The following KIF3C variants were observed in gnomAD, a reference collection of about 807,000 sequenced individuals.
KIF3C encodes kinesin family member 3C.
A neutral mutation model predicts 67.7 loss-of-function variants in KIF3C; 12 were observed. The observed-to-expected ratio is 0.18, with a 90% CI of 0.11 to 0.29. The LOEUF (loss-of-function observed/expected upper bound fraction) is 0.29, where lower values mean the gene tolerates loss of function less well. Among genes scored for constraint, KIF3C ranks in the 10% least tolerant of loss-of-function variants. The pLI is 1.00. For missense variants in KIF3C, 789 were observed against 1,059.6 expected, an observed-to-expected ratio of 0.74 and a Z score of 3.55; for synonymous variants, 393 against 426.2, an observed-to-expected ratio of 0.92 and a Z score of 0.96.
chr2:25,965,934 T>G (rs1179118071), intron 1 of KIF3C, among the ~76,000 whole-genome samples: 12 of 152,016 alleles, frequency 7.9e-5, no homozygotes, highest in Non-Finnish European at 1.6e-4. Context: ...AAGACAGGGC[T>G]GGGAGCTCCA....
chr2:25,952,785 C>T (rs55848610), intron 4 of KIF3C, among the ~76,000 whole-genome samples: 5 of 151,612 alleles, frequency 3.3e-5, no homozygotes, highest in African/African-American at 9.7e-5. Context: ...CTCAAACTCC[C>T]GACCTCAGGT....
chr2:25,955,746 T>A lies in KIF3C; in HGVS notation c.1648-83A>T, dbSNP rs1663791036. On this transcript the variant is annotated intron_variant, in intron 2 of 7. Transcript: ENST00000264712. This position sits in a 1 kb window ranked among gnomAD's most constrained non-coding sequence, Gnocchi z 5.0. ...GAAAGCTCAGGGGACTGGCTCACTC[T>A]GCCTGTCTCGGGACCTGGCTTCACC... 6.5e-7 allele frequency: 1 copy of A among 1,528,974 alleles called. No homozygotes were observed. The highest frequency in any genetic ancestry group is 1.4e-5 in the African/African-American group (1 of 73,318). The allele number at this position is 1,528,974 out of a possible 1,614,324, so 94.7% of individuals were successfully genotyped here.
chr2:25,956,483 G>A, intron 1 of KIF3C, 39 bp from the exon 2 acceptor site: 1 of 1,498,168 alleles, frequency 6.7e-7, no homozygotes, highest in East Asian at 2.3e-5. Flanking sequence ...GCTTTGCAAA[G>A]GGTCCACAAC....
chr2:25,965,688 C>A (rs927680573), intron 1 of KIF3C, among the ~76,000 whole-genome samples: 1 of 151,746 alleles, frequency 6.6e-6, no homozygotes, highest in Non-Finnish European at 1.5e-5. Flanking sequence ...TGCCTGAAAT[C>A]CCTGAGCCTA....
intron 5 of KIF3C, among the ~76,000 whole-genome samples, chr2:25,944,991 C>T (rs937857217): frequency 2.0e-4 from 30 of 152,098 alleles, no homozygotes; most frequent in African/African-American, 6.7e-4. Flanking sequence ...ATTAGCCAGG[C>T]GTGGTGGCGG....
In KIF3C at chr2:25,981,365, T is replaced by C. The variant is rs1235586191; in HGVS notation, c.553A>G (p.Thr185Ala). The C allele has an allele frequency of 6.2e-7, 1 of 1,614,040 alleles. No individual in the cohort carries two copies. Among genetic ancestry groups the C allele is most frequent in the East Asian group, 2.2e-5 (1 of 44,892 alleles). ...TGCTCAATCTCCTTGACATTCTTGG[T>C]GACGAAGGAGGAGAGGTCCTTGATG... is the stretch of plus-strand genomic sequence containing the variant. ...VYIKDLSSFV[T>A]KNVKEIEHVM... The change falls in exon 1 of 8, where the codon ACC becomes GCC. Residue 185 changes from threonine (T) to alanine (A), a missense_variant. Thr to Ala is a moderately conservative substitution (Grantham distance 58). Transcript: ENST00000264712. This position sits in a 1 kb window ranked among gnomAD's most constrained non-coding sequence, Gnocchi z 8.2.
chr2:25,946,926 C>T (rs1216588775), intron 5 of KIF3C, among the ~76,000 whole-genome samples: 2 of 151,686 alleles, frequency 1.3e-5, no homozygotes, highest in African/African-American at 2.4e-5. Flanking sequence ...CCGAGGTAGG[C>T]GGATCACCTG....
chr2:25,963,008 T>C lies in KIF3C; in HGVS notation c.1546-6564A>G, dbSNP rs1457954155. The stretch of plus-strand genomic sequence containing the variant: ...TATATAATATATATAATATATAATA[T>C]ATAATATATATAATATATAATATAT... On this transcript the variant is annotated intron_variant, in intron 1 of 7. Coordinates refer to ENST00000264712, the MANE Select transcript of KIF3C (RefSeq NM_002254.8). Among the ~76,000 whole-genome samples, 134 of 47,728 alleles carry C rather than the reference T, an allele frequency of 2.8e-3. 8 individuals carry two copies. Among genetic ancestry groups the C allele is most frequent in the African/African-American group, 0.018 (130 of 7,242 alleles). The allele number at this position is 47,728 out of a possible 152,430, so 31.3% of individuals were successfully genotyped here.
At position 25,981,528 on chromosome 2, in the gene KIF3C, G is replaced by A. The variant is rs1248022335; in HGVS notation, c.390C>T (p.His130=). 6.2e-7 allele frequency: 1 copy of A among 1,614,232 alleles called. No individual in the cohort carries two copies. Among genetic ancestry groups the A allele is most frequent in the South Asian group, 1.1e-5 (1 of 91,084 alleles). The part of the protein sequence containing the change: ...IPNAFEHIFT[H]ISRSQNQQYL... Reference sequence around the variant, plus strand: ...ACTGTTGGTTCTGGGAGCGGGAGATGTGGGTGAAGATGTGCTCAAAGGCAT... The same window carrying A: ...ACTGTTGGTTCTGGGAGCGGGAGATATGGGTGAAGATGTGCTCAAAGGCAT... Residue 130 remains histidine, a synonymous_variant, in exon 1 of 8, where the codon CAC becomes CAT. Coordinates refer to ENST00000264712, the MANE Select transcript of KIF3C (RefSeq NM_002254.8). The surrounding 1 kb of genome is among the most constrained non-coding windows in gnomAD (Gnocchi z 8.2).
intron 1 of KIF3C, among the ~76,000 whole-genome samples, chr2:25,969,939 T>C (rs938230546): frequency 6.6e-6 from 1 of 152,148 alleles, no homozygotes; most frequent in African/African-American, 2.4e-5. Flanking sequence ...TAGTCGTGAA[T>C]GCCTGGCCTC....
intron 1 of KIF3C, among the ~76,000 whole-genome samples, chr2:25,966,561 C>G (rs1392512528): frequency 6.6e-6 from 1 of 152,220 alleles, no homozygotes; most frequent in Non-Finnish European, 1.5e-5. Flanking sequence ...CGGGGATACT[C>G]AGAGACTCAC....
intron 1 of KIF3C, among the ~76,000 whole-genome samples, chr2:25,973,035 G>A (rs1228453519): frequency 1.3e-5 from 2 of 151,820 alleles, no homozygotes; most frequent in Non-Finnish European, 1.5e-5. Flanking sequence ...AAATCTTCTG[G>A]TCTTAATTTT....
intron 5 of KIF3C, among the ~76,000 whole-genome samples, chr2:25,933,775 G>T (rs1311411258): frequency 6.6e-6 from 1 of 151,108 alleles, no homozygotes; most frequent in Non-Finnish European, 1.5e-5. Context: ...AGGATGTAGA[G>T]AAAATGAAAC....
chr2:25,939,905 G>A (rs952390534), intron 5 of KIF3C, among the ~76,000 whole-genome samples: 4 of 151,886 alleles, frequency 2.6e-5, no homozygotes, highest in African/African-American at 7.3e-5. Flanking sequence ...AGCCAAGATC[G>A]TGCCACTGTA....
intron 5 of KIF3C, among the ~76,000 whole-genome samples, chr2:25,946,839 C>T (rs772302117): frequency 5.4e-5 from 8 of 148,212 alleles, no homozygotes; most frequent in Non-Finnish European, 6.0e-5. Context: ...GGGGACAGAG[C>T]GAGACTCCAT....
At position 25,929,366 on chromosome 2, in the gene KIF3C, T is replaced by C. The variant is rs773817555; in HGVS notation, c.2227A>G (p.Met743Val). Residue 743 changes from methionine (M) to valine (V), a missense_variant, in exon 7 of 8, where the codon ATG becomes GTG. Transcript: ENST00000264712. Reference sequence around the variant, plus strand: ...CTTTCCAGAAAGCTGTCCAATCGCATGAGCCTCTCCATGTGTAGCGCACGA... The same window carrying C: ...CTTTCCAGAAAGCTGTCCAATCGCACGAGCCTCTCCATGTGTAGCGCACGA... ...DPRALHMERLMRLDSFLERPS... is the reference protein window; with the variant it reads ...DPRALHMERLVRLDSFLERPS... The C allele has an allele frequency of 6.2e-7, 1 of 1,613,940 alleles. No individual in the cohort carries two copies. Among genetic ancestry groups the C allele is most frequent in the Non-Finnish European group, 8.5e-7 (1 of 1,179,810 alleles).
intron 1 of KIF3C, among the ~76,000 whole-genome samples, chr2:25,972,204 A>C (rs1343124342): frequency 1.3e-5 from 2 of 151,950 alleles, no homozygotes. Flanking sequence ...ACTTCATCCA[A>C]TCTTGTGCTC....
chr2:25,960,799 G>A (rs1474805394), intron 1 of KIF3C, among the ~76,000 whole-genome samples: 6 of 152,174 alleles, frequency 3.9e-5, no homozygotes, highest in Non-Finnish European at 8.8e-5. Context: ...GGTCAGGCAT[G>A]GTGGTGTGGG....
chr2:25,947,506 G>A (rs1017828711), intron 5 of KIF3C, among the ~76,000 whole-genome samples: 11 of 151,870 alleles, frequency 7.2e-5, no homozygotes, highest in African/African-American at 2.2e-4. Flanking sequence ...GCGTGAACCC[G>A]GGAGGTGGAG....
Sources: gnomAD v4.1 joint callset for allele counts (sites outside exome capture counted in the v4.1 genomes callset) on GRCh38, gnomAD v4.1.1 for gene constraint, Gnocchi (gnomAD v3.1) non-coding constraint, MANE v1.5 for transcripts, NCBI Gene and HGNC (gene_info 2026-07-23, HGNC 2026-07-21) for gene names.